The following ARHGEF3 variants were observed in gnomAD, a reference collection of about 807,000 sequenced individuals.
The protein encoded by ARHGEF3 is 59.8 kDA protein.
Under a neutral mutation model 63.2 loss-of-function variants are expected in ARHGEF3, and 28 were observed. That is an observed-to-expected ratio of 0.44 (90% CI 0.33 to 0.61). ARHGEF3 has a LOEUF of 0.61. ARHGEF3 is among the 20% of genes least tolerant of loss of function. The pLI is 0.03. For synonymous variants in ARHGEF3, 266 were observed against 254.2 expected (o/e 1.05, Z -0.44); for missense variants, 533 against 659.3 (o/e 0.81, Z 2.10).
chr3:56,913,157 A>AC (rs1553778670), intron 3 of ARHGEF3, among the ~76,000 whole-genome samples: 17 of 42,354 alleles, frequency 4.0e-4, no homozygotes, highest in African/African-American at 1.1e-3. Context: ...CTAAAAAAAA[A>AC]AACAACAACA....
chr3:56,967,915 A>AATATATTATATATAATATAAAATATATT (rs1700653108), intron 2 of ARHGEF3, among the ~76,000 whole-genome samples: 1 of 72,312 alleles, frequency 1.4e-5, no homozygotes, highest in Non-Finnish European at 2.3e-5. Context: ...TATTATATAT[A>AATATATTATATATAATATAAAATATATT]ATATATTATA....
chr3:56,759,241 G>A (rs921952497), intron 2 of ARHGEF3, among the ~76,000 whole-genome samples: 5 of 143,782 alleles, frequency 3.5e-5, no homozygotes, highest in African/African-American at 1.3e-4. Flanking sequence ...GCAGTGGCAC[G>A]ATCTCGGCTC....
At chr3:56,944,280 T>C (rs370743520) in intron 3 of ARHGEF3, among the ~76,000 whole-genome samples, 5 of 152,200 alleles carry the variant, frequency 3.3e-5, no homozygotes, top group African/African-American at 1.2e-4. Flanking sequence ...GAAAATCTTC[T>C]GTAAAGGATT....
At chr3:56,834,462 T>C (rs188298619) in intron 4 of ARHGEF3, among the ~76,000 whole-genome samples, 1 of 152,264 alleles carries the variant, frequency 6.6e-6, no homozygotes, top group South Asian at 2.1e-4. Flanking sequence ...ACTATGTATG[T>C]ATTCAGAATA....
intron 1 of ARHGEF3, among the ~76,000 whole-genome samples, chr3:57,068,870 G>T (rs1705714932): frequency 6.6e-6 from 1 of 151,520 alleles, no homozygotes; most frequent in Non-Finnish European, 1.5e-5. Context: ...CCTATGAACT[G>T]CCGGTTCCAA....
intron 4 of ARHGEF3, among the ~76,000 whole-genome samples, chr3:56,831,866 C>A (rs2038943764): frequency 6.6e-6 from 1 of 152,180 alleles, no homozygotes; most frequent in East Asian, 1.9e-4. Flanking sequence ...TTTGAGCAAT[C>A]TTTGGGTGAA....
At chr3:57,036,855 A>T (rs1158674425) in intron 1 of ARHGEF3, among the ~76,000 whole-genome samples, 2 of 152,180 alleles carry the variant, frequency 1.3e-5, no homozygotes, top group Non-Finnish European at 2.9e-5. Flanking sequence ...CTGCTTGGCC[A>T]TATCTCCAGC....
intron 2 of ARHGEF3, among the ~76,000 whole-genome samples, chr3:57,003,401 C>CAAAAAAAAAAAA (rs60214570): frequency 2.3e-5 from 1 of 43,732 alleles, no homozygotes; most frequent in Non-Finnish European, 3.7e-5. Flanking sequence ...GACGCCGTCT[C>CAAAAAAAAAAAA]AAAAAAAAAA....
At chr3:56,882,239 C>G in intron 4 of ARHGEF3, 4 of 1,493,854 alleles carry the variant, frequency 2.7e-6, no homozygotes, top group Non-Finnish European at 3.6e-6. Flanking sequence ...AAATAACCTT[C>G]GGAGAAGAGA....
chr3:57,011,493 C>T (rs1702699191), intron 2 of ARHGEF3, among the ~76,000 whole-genome samples: 1 of 152,084 alleles, frequency 6.6e-6, no homozygotes, highest in African/African-American at 2.4e-5. Context: ...GAGGTGGGTG[C>T]TACTGGAATC....
chr3:56,814,732 CA>C (rs1265186611), intron 4 of ARHGEF3, among the ~76,000 whole-genome samples: 1 of 151,862 alleles, frequency 6.6e-6, no homozygotes, highest in Non-Finnish European at 1.5e-5. Context: ...TCCTTGCTTC[CA>C]AAGACATTAA....
rs771379030 is a variant in ARHGEF3 at position 56,801,719 on chromosome 3, G to A, written c.80C>T (p.Pro27Leu). The A allele has an allele frequency of 5.8e-5, 90 of 1,562,148 alleles. No homozygotes were observed. The highest frequency in any genetic ancestry group is 7.5e-5 in the Non-Finnish European group (86 of 1,152,130). Residue 27 changes from proline to leucine, a missense_variant, in exon 1 of 10, where the codon CCG becomes CTG. Transcript: ENST00000296315. ...CGGCCCTACCTCAGCGTCCTTGGCC[G>A]GACCGCTGGCCGGGGGTAGCTCCAG... ...CSLELPPASG[P>L]AKDAEEPSNK...
intron 1 of ARHGEF3, chr3:57,075,384 G>A (rs1197306705): frequency 6.0e-6 from 1 of 167,044 alleles, no homozygotes. Context: ...GCCTCGCACA[G>A]AGTAGCCCTC....
rs112735192 is a variant in ARHGEF3 at position 56,946,799 on chromosome 3, A to C, written c.129+12024T>G. Among the ~76,000 whole-genome samples, 432 of 152,322 alleles carry C rather than the reference A, an allele frequency of 2.8e-3. 1 individual carries two copies. Among genetic ancestry groups the C allele is most frequent in the African/African-American group, 9.9e-3 (411 of 41,550 alleles). ...CAATGTCACAAAGATACTCCTCGAG[A>C]AGAGCAACTCCAAGACACATAATTG... On this transcript the variant is annotated intron_variant, in intron 3 of 12. Coordinates refer to the ARHGEF3 transcript ENST00000338458.
chr3:56,905,990 G>A (rs1170718710), intron 3 of ARHGEF3, among the ~76,000 whole-genome samples: 3 of 151,992 alleles, frequency 2.0e-5, no homozygotes, highest in South Asian at 4.1e-4. Context: ...TCAGCCTCCC[G>A]AGTAGCTGGG....
intron 4 of ARHGEF3, among the ~76,000 whole-genome samples, chr3:56,752,902 C>T (rs1441509864): frequency 6.6e-6 from 1 of 152,212 alleles, no homozygotes; most frequent in Non-Finnish European, 1.5e-5. Context: ...CCCTGTGATT[C>T]TTCGAGGAGG....
chr3:56,753,139 T>C (rs1009582039), intron 4 of ARHGEF3, among the ~76,000 whole-genome samples: 1 of 152,236 alleles, frequency 6.6e-6, no homozygotes, highest in African/African-American at 2.4e-5. Context: ...ATGGCTTTAT[T>C]TCTAAGACTC....
chr3:57,042,698 ATAT>A (rs1280392316), intron 1 of ARHGEF3, among the ~76,000 whole-genome samples: 11 of 41,408 alleles, frequency 2.7e-4, no homozygotes, highest in African/African-American at 6.7e-4. Context: ...ATATATATAT[ATAT>A]TTTTTTTTTT....
At chr3:56,779,266 G>C (rs1212720989) in intron 1 of ARHGEF3, among the ~76,000 whole-genome samples, 1 of 148,312 alleles carries the variant, frequency 6.7e-6, no homozygotes, top group African/African-American at 2.5e-5. Context: ...ATATATATAT[G>C]AACAAAGGAC....
Sources: allele counts gnomAD v4.1 joint callset (sites outside exome capture counted in the v4.1 genomes callset), GRCh38; gene constraint gnomAD v4.1.1; transcripts MANE v1.5; gene names NCBI Gene and HGNC (gene_info 2026-07-23, HGNC 2026-07-21).